KATNIP: variants seen among roughly 807,000 people sequenced by gnomAD.
KATNIP encodes the protein katanin-interacting protein.
In KATNIP, 126 loss-of-function variants were observed where a neutral mutation model predicts 174.0. The ratio of observed to expected loss-of-function variants is 0.72; its 90% CI spans 0.63 to 0.84. The LOEUF (loss-of-function observed/expected upper bound fraction) is 0.84, where lower values mean the gene tolerates loss of function less well. Among genes scored for constraint, KATNIP ranks in the 40% least tolerant of loss-of-function variants. KATNIP has a pLI of 0.00. For missense variants in KATNIP, 1,958 were observed against 2,109.7 expected, an observed-to-expected ratio of 0.93 and a Z score of 1.41; for synonymous variants, 810 against 835.7, an observed-to-expected ratio of 0.97 and a Z score of 0.53.
intron 1 of KATNIP, among the ~76,000 whole-genome samples, chr16:27,560,283 G>GA (rs765910684): frequency 0.053 from 2,359 of 44,664 alleles, 91 homozygotes; most frequent in East Asian, 0.19. Context: ...CTCTGTCTCA[G>GA]AAAAAAAAAA....
In KATNIP at chr16:27,776,723, C is replaced by T. The variant is rs549301472; in HGVS notation, c.4450-205C>T. The T allele has an allele frequency of 4.5e-4, 239 of 535,352 alleles. 1 individual carries two copies. The highest frequency in any genetic ancestry group is 4.1e-3 in the Middle Eastern group (8 of 1,932). The allele number at this position is 535,352 out of a possible 1,614,324, so 33.2% of individuals were successfully genotyped here. On this transcript the variant is annotated intron_variant, in intron 24 of 27. Transcript: ENST00000261588. This position sits in a 1 kb window ranked among gnomAD's most constrained non-coding sequence, Gnocchi z 4.7. ...ACAGGCCCTCCAAAAGCCAGCTCAG[C>T]GGTTTGTTGCAAATGCAGCCACACG...
At chr16:27,603,918 G>A (rs943409882) in intron 2 of KATNIP, among the ~76,000 whole-genome samples, 1 of 151,210 alleles carries the variant, frequency 6.6e-6, no homozygotes, top group Non-Finnish European at 1.5e-5. Context: ...TGTATTTTTA[G>A]TAGAGACTGG....
chr16:27,628,835 G>A lies in KATNIP; in HGVS notation c.310+5G>A. The A allele has an allele frequency of 1.9e-6, 3 of 1,613,814 alleles. No homozygotes were observed. Among genetic ancestry groups the A allele is most frequent in the African/African-American group, 2.7e-5 (2 of 75,034 alleles). ...CCCACACGGAGGGGACACACGGTGA[G>A]CACAGGCCCTCCAGGCTGAGTCTCA... On this transcript the variant is annotated splice_donor_5th_base_variant and intron_variant, in intron 4 of 27. Transcript: ENST00000261588.
At chr16:27,762,901 A>G (rs2082001740) in intron 19 of KATNIP, among the ~76,000 whole-genome samples, 1 of 151,934 alleles carries the variant, frequency 6.6e-6, no homozygotes, top group African/African-American at 2.4e-5. Flanking sequence ...CTCACCACCC[A>G]CCTGCCAGAT....
intron 2 of KATNIP, among the ~76,000 whole-genome samples, chr16:27,612,382 A>G (rs776123969): frequency 1.3e-5 from 2 of 152,114 alleles, no homozygotes; most frequent in Non-Finnish European, 2.9e-5. Flanking sequence ...GGTGTTGTGA[A>G]TGGTGGGAAA....
intron 1 of KATNIP, among the ~76,000 whole-genome samples, chr16:27,563,645 A>T (rs1378595493): frequency 6.6e-6 from 1 of 152,186 alleles, no homozygotes. Flanking sequence ...TTCTGCATGC[A>T]CAGGGAAACA....
intron 5 of KATNIP, chr16:27,632,715 G>C (rs1006052475): frequency 2.3e-6 from 1 of 432,496 alleles, no homozygotes; most frequent in Non-Finnish European, 4.7e-6. Context: ...GTTGATACCA[G>C]TGGTGGAGTC....
intron 5 of KATNIP, 72 bp downstream of exon 5, chr16:27,631,234 T>C (rs2076479400): frequency 1.6e-6 from 2 of 1,232,076 alleles, no homozygotes; most frequent in Non-Finnish European, 2.3e-6. Context: ...AGAAATACAA[T>C]CAGAGCATTT....
In KATNIP at chr16:27,721,602, A is replaced by C. The variant is rs1240716231; in HGVS notation, c.1650A>C (p.Pro550=). The C allele has an allele frequency of 6.2e-7, 1 of 1,613,774 alleles. No homozygotes were observed. Among genetic ancestry groups the C allele is most frequent in the South Asian group, 1.1e-5 (1 of 91,046 alleles). Residue 550 remains proline, a synonymous_variant, in exon 14 of 28, where the codon CCA becomes CCC. Coordinates refer to ENST00000261588, the MANE Select transcript of KATNIP (RefSeq NM_015202.5). ...SSPWTCPFHP[P]LQLFFVIRNT... is the part of the protein sequence containing the mutation. ...CGTGGACCTGCCCCTTCCACCCACC[A>C]CTCCAGCTGTTTTTTGTTATTCGAA...
chr16:27,759,237 A>G (rs1247341053), intron 18 of KATNIP, among the ~76,000 whole-genome samples: 3 of 152,216 alleles, frequency 2.0e-5, no homozygotes, highest in African/African-American at 7.2e-5. Flanking sequence ...ATGGAGACAA[A>G]TAAGCAAATC....
At chr16:27,645,503 G>T (rs2076932555) in intron 5 of KATNIP, among the ~76,000 whole-genome samples, 2 of 152,218 alleles carry the variant, frequency 1.3e-5, no homozygotes. Flanking sequence ...GAGTGGGTTA[G>T]CAAGTGGGAT....
At chr16:27,698,195 T>C in intron 8 of KATNIP, 133 bp from the exon 9 acceptor site, 1 of 949,736 alleles carries the variant, frequency 1.1e-6, no homozygotes, top group African/African-American at 1.6e-5. Flanking sequence ...TCTTTGTCTT[T>C]TACCGCCTTG....
Position 27,777,822 on chromosome 16 carries a change from A to T in KATNIP, c.4712+52A>T. The T allele has an allele frequency of 6.2e-7, 1 of 1,613,276 alleles. No homozygotes were observed. ...TCCCCACCAGCCCTAAGGAGGATGG[A>T]TGGCTGGGACACACGGCCAGGAGCC... is the stretch of plus-strand genomic sequence containing the variant. On this transcript the variant is annotated intron_variant, in intron 26 of 27. Coordinates refer to ENST00000261588, the MANE Select transcript of KATNIP (RefSeq NM_015202.5). The surrounding 1 kb of genome is among the most constrained non-coding windows in gnomAD (Gnocchi z 4.4).
chr16:27,747,522 T>G (rs1388521234), intron 15 of KATNIP, among the ~76,000 whole-genome samples: 1 of 152,162 alleles, frequency 6.6e-6, no homozygotes, highest in Non-Finnish European at 1.5e-5. Context: ...AGATAGTCTT[T>G]GGCAATTCCA....
chr16:27,669,449 A>C (rs2077809886), intron 6 of KATNIP, among the ~76,000 whole-genome samples: 1 of 152,180 alleles, frequency 6.6e-6, no homozygotes, highest in Non-Finnish European at 1.5e-5. Context: ...AACACTGAAC[A>C]CTGAAATCAA....
At chr16:27,713,672 T>TATA (rs375270458) in intron 13 of KATNIP, among the ~76,000 whole-genome samples, 2 of 4,010 alleles carry the variant, frequency 5.0e-4, no homozygotes, top group Non-Finnish European at 1.8e-3. Context: ...CACATACATA[T>TATA]TATATATATG....
intron 6 of KATNIP, among the ~76,000 whole-genome samples, chr16:27,656,644 A>G (rs1421797285): frequency 2.7e-5 from 4 of 150,526 alleles, no homozygotes; most frequent in African/African-American, 9.8e-5. Context: ...TTGTAGGGAC[A>G]TGGATGAAAT....
rs180936141 is a variant in KATNIP at position 27,565,149 on chromosome 16, C to T, written c.8-8752C>T. ...TGTCCTTAAAGAAGTCCCCTCAAAA[C>T]GGGTCCATGGCATCAAGATAAAGAA... On this transcript the variant is annotated intron_variant, in intron 1 of 27. Transcript: ENST00000261588. 1.1e-3 allele frequency among the ~76,000 whole-genome samples: 173 copies of T among 151,366 alleles called. No homozygotes were observed. The Middle Eastern group carries it at 0.014, about 12-fold the overall frequency.
intron 18 of KATNIP, among the ~76,000 whole-genome samples, chr16:27,758,473 G>C (rs1381983847): frequency 6.6e-6 from 1 of 152,108 alleles, no homozygotes; most frequent in Non-Finnish European, 1.5e-5. Context: ...CAACTGATGG[G>C]AGCTTTATAA....
Sources: gnomAD v4.1 joint callset for allele counts (sites outside exome capture counted in the v4.1 genomes callset) on GRCh38, gnomAD v4.1.1 for gene constraint, Gnocchi (gnomAD v3.1) non-coding constraint, MANE v1.5 for transcripts, NCBI Gene and HGNC (gene_info 2026-07-23, HGNC 2026-07-21) for gene names.